ZNF385D: variants seen among roughly 807,000 people sequenced by gnomAD.
ZNF385D encodes zinc finger protein 385D.
In ZNF385D, 15 loss-of-function variants were observed where a neutral mutation model predicts 35.8. The observed-to-expected ratio is 0.42, with a 90% CI of 0.28 to 0.64. The LOEUF is 0.64. Among genes scored for constraint, ZNF385D ranks in the 30% least tolerant of loss-of-function variants. The pLI, the probability that ZNF385D is intolerant of heterozygous loss-of-function variation, is 0.23. For missense variants in ZNF385D, 474 were observed against 494.6 expected, an observed-to-expected ratio of 0.96 and a Z score of 0.39; for synonymous variants, 212 against 186.8, an observed-to-expected ratio of 1.13 and a Z score of -1.10.
intron 1 of ZNF385D, among the ~76,000 whole-genome samples, chr3:21,685,847 A>C (rs892851269): frequency 2.0e-5 from 3 of 152,242 alleles, no homozygotes; most frequent in African/African-American, 7.2e-5. Flanking sequence ...GCCAAGAAAC[A>C]CAGTAAAGTA....
At chr3:22,170,616 T>C (rs1559425273) in intron 2 of ZNF385D, among the ~76,000 whole-genome samples, 2 of 152,218 alleles carry the variant, frequency 1.3e-5, no homozygotes, top group African/African-American at 2.4e-5. Flanking sequence ...AATTTAAATA[T>C]GCAATTTAAA....
At chr3:21,667,447 C>A (rs1436391978) in intron 1 of ZNF385D, among the ~76,000 whole-genome samples, 1 of 152,204 alleles carries the variant, frequency 6.6e-6, no homozygotes, top group Non-Finnish European at 1.5e-5. Flanking sequence ...CAGGTGTGAG[C>A]CACCATGCCC....
At chr3:22,181,241 A>G (rs1351188756) in intron 2 of ZNF385D, among the ~76,000 whole-genome samples, 1 of 152,008 alleles carries the variant, frequency 6.6e-6, no homozygotes, top group African/African-American at 2.4e-5. Flanking sequence ...ATATGAGAAT[A>G]TTTTCTTATA....
At chr3:22,277,106 T>C (rs1701469039) in intron 2 of ZNF385D, among the ~76,000 whole-genome samples, 1 of 152,104 alleles carries the variant, frequency 6.6e-6, no homozygotes, top group Admixed American at 6.6e-5. Context: ...AAGTAACAGA[T>C]TTAACTTTTT....
intron 3 of ZNF385D, among the ~76,000 whole-genome samples, chr3:22,008,729 C>A (rs147613794): frequency 3.2e-4 from 49 of 152,108 alleles, no homozygotes; most frequent in African/African-American, 1.0e-3. Context: ...AACTGAAAAA[C>A]CGTGTGAATA....
intron 3 of ZNF385D, chr3:21,979,529 T>C (rs1694286945): frequency 6.6e-6 from 1 of 152,180 alleles, no homozygotes; most frequent in Non-Finnish European, 1.5e-5. Context: ...TTACAAAATA[T>C]GTGGATTTAC....
intron 1 of ZNF385D, among the ~76,000 whole-genome samples, chr3:21,689,545 G>A (rs1414884246): frequency 6.6e-6 from 1 of 151,888 alleles, no homozygotes; most frequent in East Asian, 1.9e-4. Flanking sequence ...TTAGTAATTA[G>A]ACACTTAGGT....
intron 2 of ZNF385D, among the ~76,000 whole-genome samples, chr3:22,268,409 C>T (rs527366421): frequency 6.6e-6 from 1 of 151,826 alleles, no homozygotes; most frequent in Non-Finnish European, 1.5e-5. Context: ...TGATGTTATA[C>T]ATGTTATTAA....
intron 4 of ZNF385D, chr3:21,443,120 C>G (rs1701952338): frequency 1.0e-6 from 1 of 985,156 alleles, no homozygotes; most frequent in Non-Finnish European, 1.2e-6. Flanking sequence ...AATCCCAAAG[C>G]CACCAAATGA....
intron 3 of ZNF385D, among the ~76,000 whole-genome samples, chr3:22,027,872 G>A (rs1697662619): frequency 6.6e-6 from 1 of 152,140 alleles, no homozygotes; most frequent in Non-Finnish European, 1.5e-5. Flanking sequence ...GAAGACTAGG[G>A]CCTGGTTCAC....
At chr3:21,643,086 T>C (rs898638667) in intron 2 of ZNF385D, among the ~76,000 whole-genome samples, 2 of 152,124 alleles carry the variant, frequency 1.3e-5, no homozygotes, top group African/African-American at 4.8e-5. Flanking sequence ...GTTTATAGTA[T>C]ATCTATTTTA....
chr3:21,961,245 G>A (rs1039868488), intron 3 of ZNF385D, among the ~76,000 whole-genome samples: 36 of 151,920 alleles, frequency 2.4e-4, no homozygotes, highest in African/African-American at 8.5e-4. Context: ...TGAATGCCTG[G>A]AATATAAAAA....
At position 21,602,298 on chromosome 3, in the gene ZNF385D, T is replaced by C. The variant is rs201556447; in HGVS notation, c.166-37614A>G. Among the ~76,000 whole-genome samples the C allele has an allele frequency of 7.6e-4, 116 of 152,066 alleles. No individual in the cohort carries two copies. In the East Asian group the frequency reaches 0.021, roughly 28 times the overall value. ...TTTGGGTGGGGACACAGCCAAACCA[T>C]ATCAGAACGTGACTATCTTTTCCAT... On this transcript the variant is annotated intron_variant, in intron 2 of 7. Coordinates refer to ENST00000281523, the MANE Select transcript of ZNF385D (RefSeq NM_024697.3).
intron 3 of ZNF385D, among the ~76,000 whole-genome samples, chr3:22,023,106 C>A (rs1245592155): frequency 6.6e-6 from 1 of 152,158 alleles, no homozygotes; most frequent in Non-Finnish European, 1.5e-5. Context: ...TTTTTATCCC[C>A]CTTACCCATG....
At chr3:22,041,126 A>C (rs908825097) in intron 3 of ZNF385D, among the ~76,000 whole-genome samples, 3 of 151,994 alleles carry the variant, frequency 2.0e-5, no homozygotes, top group Non-Finnish European at 4.4e-5. Context: ...GTTTTCCTCT[A>C]TGTTGGCTCC....
chr3:21,674,586 T>C (rs985682062), intron 1 of ZNF385D, among the ~76,000 whole-genome samples: 3 of 152,086 alleles, frequency 2.0e-5, no homozygotes, highest in African/African-American at 7.2e-5. Context: ...CCCAACTTGC[T>C]CTTGAAACCT....
At chr3:22,250,194 A>C (rs1699991987) in intron 2 of ZNF385D, among the ~76,000 whole-genome samples, 1 of 152,144 alleles carries the variant, frequency 6.6e-6, no homozygotes, top group South Asian at 2.1e-4. Context: ...ATCATATAAG[A>C]TACAATTTAA....
chr3:21,972,788 C>T (rs1398324614), intron 3 of ZNF385D, among the ~76,000 whole-genome samples: 3 of 151,828 alleles, frequency 2.0e-5, no homozygotes, highest in Admixed American at 6.6e-5. Context: ...CTAGAGGCTA[C>T]TCTGAGCAAC....
chr3:22,333,673 C>T (rs112353812), intron 2 of ZNF385D, among the ~76,000 whole-genome samples: 2,679 of 152,070 alleles, frequency 0.018, 44 homozygotes, highest in East Asian at 0.053. Flanking sequence ...CATTCATTTC[C>T]GAACTTCCAC....
Sources: gnomAD v4.1 joint callset for allele counts (sites outside exome capture counted in the v4.1 genomes callset) on GRCh38, gnomAD v4.1.1 for gene constraint, MANE v1.5 for transcripts, NCBI Gene and HGNC (gene_info 2026-07-23, HGNC 2026-07-21) for gene names.